Variants in LYPD6B observed in about 807,000 individuals in gnomAD.
The protein encoded by LYPD6B is ly6/PLAUR domain-containing protein 6B.
A neutral mutation model predicts 22.8 loss-of-function variants in LYPD6B; 17 were observed. The observed-to-expected ratio is 0.75, with a 90% CI of 0.51 to 1.12. The LOEUF (loss-of-function observed/expected upper bound fraction) is 1.12. Among genes scored for constraint, LYPD6B ranks in the 50% most tolerant of loss-of-function variants. LYPD6B has a pLI of 0.00. For missense variants in LYPD6B, 221 were observed against 258.3 expected, an observed-to-expected ratio of 0.86 and a Z score of 0.99; for synonymous variants, 106 against 91.6, an observed-to-expected ratio of 1.16 and a Z score of -0.90.
intron 1 of LYPD6B, among the ~76,000 whole-genome samples, chr2:149,054,082 G>A (rs1373224653): frequency 3.3e-5 from 5 of 152,186 alleles, no homozygotes; most frequent in Non-Finnish European, 5.9e-5. Context: ...AAGTGTTTGT[G>A]TGGAATGTTT....
intron 3 of LYPD6B, among the ~76,000 whole-genome samples, chr2:149,180,128 C>T (rs1691604524): frequency 6.6e-6 from 1 of 152,210 alleles, no homozygotes; most frequent in Non-Finnish European, 1.5e-5. Flanking sequence ...TCTGCGAAGA[C>T]ACTTTGTCTG....
At chr2:149,106,662 T>C (rs1162403627) in intron 1 of LYPD6B, among the ~76,000 whole-genome samples, 1 of 152,180 alleles carries the variant, frequency 6.6e-6, no homozygotes, top group African/African-American at 2.4e-5. Flanking sequence ...ATAATTTGTG[T>C]TTTTTTCCTT....
intron 2 of LYPD6B, among the ~76,000 whole-genome samples, chr2:149,159,692 G>T (rs941319655): frequency 5.3e-5 from 8 of 151,626 alleles, no homozygotes; most frequent in Admixed American, 3.3e-4. Flanking sequence ...CAATTGTGGG[G>T]CTTGGCAAGT....
chr2:149,058,641 T>C (rs1290845188), intron 1 of LYPD6B, among the ~76,000 whole-genome samples: 1 of 152,158 alleles, frequency 6.6e-6, no homozygotes, highest in Non-Finnish European at 1.5e-5. Context: ...ATTTTTGAGA[T>C]GGAGTTTTGC....
At chr2:149,208,470 A>C (rs1389030596) in intron 5 of LYPD6B, 58 bp downstream of exon 5, 3 of 1,300,352 alleles carry the variant, frequency 2.3e-6, no homozygotes, top group Non-Finnish European at 3.3e-6. Context: ...ATCTCTCCTG[A>C]CTTGATGATG....
chr2:149,214,813 A>C lies in LYPD6B; in HGVS notation c.*103A>C. 8.0e-7 allele frequency: 1 copy of C among 1,247,148 alleles called. No homozygotes were observed. The highest frequency in any genetic ancestry group is 2.3e-5 in the East Asian group (1 of 42,974). 77.3% of individuals were successfully genotyped at this position (1,247,148 alleles called of 1,614,324 possible). Reference sequence around the variant, plus strand: ...TGAAGATCAATCTTGCACTTGGTGAAGAGTGCACATTGGACCTCAAGGCGA... The same window carrying C: ...TGAAGATCAATCTTGCACTTGGTGACGAGTGCACATTGGACCTCAAGGCGA... On this transcript the variant is annotated 3_prime_UTR_variant, in exon 7 of 7. Coordinates refer to ENST00000409642, the MANE Select transcript of LYPD6B (RefSeq NM_177964.5).
At chr2:149,162,767 A>G (rs919490240) in intron 3 of LYPD6B, among the ~76,000 whole-genome samples, 17 of 152,078 alleles carry the variant, frequency 1.1e-4, no homozygotes, top group African/African-American at 4.1e-4. Flanking sequence ...CATAGTCTCT[A>G]TGTACTTAAG....
In LYPD6B at chr2:149,187,340, T is replaced by C. The variant is rs1692179791; in HGVS notation, c.78-17913T>C. The C allele has an allele frequency of 3.0e-6, 4 of 1,346,542 alleles. No individual in the cohort carries two copies. The South Asian group carries it at 7.2e-5, about 24-fold the overall frequency. 83.4% of individuals were successfully genotyped at this position (1,346,542 alleles called of 1,614,324 possible). The stretch of plus-strand genomic sequence containing the variant: ...AAGTGTATTGCATATATTTAATTAT[T>C]TATGCCCAAATGGCTATCATTTCTG... On this transcript the variant is annotated intron_variant, in intron 3 of 6. Transcript: ENST00000409642.
chr2:149,188,701 A>C, intron 3 of LYPD6B: 1 of 983,026 alleles, frequency 1.0e-6, no homozygotes, highest in African/African-American at 1.7e-5. Context: ...ATATTCCGTA[A>C]CGTCTCAGGA....
At chr2:149,084,595 G>A (rs1685301402) in intron 1 of LYPD6B, among the ~76,000 whole-genome samples, 1 of 152,178 alleles carries the variant, frequency 6.6e-6, no homozygotes, top group Admixed American at 6.5e-5. Flanking sequence ...AAGAAACCCA[G>A]ATGTAGATGC....
chr2:149,166,761 A>G (rs996901732), intron 3 of LYPD6B, among the ~76,000 whole-genome samples: 1 of 152,044 alleles, frequency 6.6e-6, no homozygotes, highest in Non-Finnish European at 1.5e-5. Context: ...TGTTCACCCT[A>G]ATATGGACTC....
chr2:149,159,370 A>G (rs1689902328), intron 2 of LYPD6B, among the ~76,000 whole-genome samples: 1 of 152,190 alleles, frequency 6.6e-6, no homozygotes, highest in Admixed American at 6.6e-5. Context: ...GGCTACTAGC[A>G]TGCTCAGAGC....
At chr2:149,102,707 G>A (rs1439457211) in intron 1 of LYPD6B, among the ~76,000 whole-genome samples, 3 of 152,282 alleles carry the variant, frequency 2.0e-5, no homozygotes, top group African/African-American at 7.2e-5. Flanking sequence ...TCAGCTCACT[G>A]CAACCTCCAC....
chr2:149,040,807 C>T (rs767649392), intron 1 of LYPD6B, among the ~76,000 whole-genome samples: 4 of 152,230 alleles, frequency 2.6e-5, no homozygotes, highest in Non-Finnish European at 5.9e-5. Flanking sequence ...TCAGTCAAGT[C>T]TTCATCTAAT....
chr2:149,048,900 T>A (rs1683427510), intron 1 of LYPD6B, among the ~76,000 whole-genome samples: 2 of 152,170 alleles, frequency 1.3e-5, no homozygotes, highest in Non-Finnish European at 2.9e-5. Flanking sequence ...AGCCCTTACT[T>A]GGGAAGCATG....
intron 3 of LYPD6B, among the ~76,000 whole-genome samples, chr2:149,202,802 G>A (rs1050395905): frequency 6.6e-6 from 1 of 152,046 alleles, no homozygotes; most frequent in African/African-American, 2.4e-5. Flanking sequence ...ACCAAACTGG[G>A]GATTTGTTCA....
At chr2:149,202,062 T>A (rs972416617) in intron 3 of LYPD6B, among the ~76,000 whole-genome samples, 3 of 152,214 alleles carry the variant, frequency 2.0e-5, no homozygotes, top group Non-Finnish European at 4.4e-5. Context: ...TGTTTTTAAG[T>A]TGTCTATCAT....
chr2:149,063,607 A>G (rs948756700), intron 1 of LYPD6B, among the ~76,000 whole-genome samples: 1 of 152,234 alleles, frequency 6.6e-6, no homozygotes, highest in African/African-American at 2.4e-5. Context: ...ATAATTTGCC[A>G]ACTACATGTA....
At chr2:149,211,653 G>C (rs1158252660) in intron 5 of LYPD6B, among the ~76,000 whole-genome samples, 1 of 151,200 alleles carries the variant, frequency 6.6e-6, no homozygotes, top group Non-Finnish European at 1.5e-5. Context: ...AAAAAAAAAT[G>C]AGCTCAGAAG....
Sources: gnomAD v4.1 joint callset for allele counts (sites outside exome capture counted in the v4.1 genomes callset) on GRCh38, gnomAD v4.1.1 for gene constraint, MANE v1.5 for transcripts, NCBI Gene and HGNC (gene_info 2026-07-23, HGNC 2026-07-21) for gene names.